NLGN1: variants seen among roughly 807,000 people sequenced by gnomAD.
NLGN1 encodes neuroligin-1.
A neutral mutation model predicts 65.5 loss-of-function variants in NLGN1; 12 were observed. The observed-to-expected ratio is 0.18, with a 90% CI of 0.12 to 0.30. The LOEUF (loss-of-function observed/expected upper bound fraction) is 0.30. NLGN1 is among the 10% of genes least tolerant of loss of function. The pLI is 1.00. For missense variants in NLGN1, 750 were observed against 1,007.1 expected (o/e 0.74, Z 3.46); for synonymous variants, 350 against 359.5 (o/e 0.97, Z 0.30).
chr3:174,084,912 CTGAA>C (rs1323835084), intron 4 of NLGN1, among the ~76,000 whole-genome samples: 1 of 151,976 alleles, frequency 6.6e-6, no homozygotes, highest in Non-Finnish European at 1.5e-5. Context: ...AATAGGAAGA[CTGAA>C]CCATAATTCT....
intron 2 of NLGN1, among the ~76,000 whole-genome samples, chr3:173,597,214 T>C (rs138403730): frequency 3.9e-5 from 6 of 152,326 alleles, no homozygotes; most frequent in Non-Finnish European, 8.8e-5. Flanking sequence ...GTGCAGGATA[T>C]GTTCTTTGGA....
chr3:174,159,705 G>A (rs1455002994), intron 4 of NLGN1, among the ~76,000 whole-genome samples: 3 of 151,714 alleles, frequency 2.0e-5, no homozygotes, highest in Non-Finnish European at 4.4e-5. Context: ...CAAGTTAGGC[G>A]GCTGGTTGGA....
At chr3:173,695,792 T>A (rs750190674) in intron 3 of NLGN1, among the ~76,000 whole-genome samples, 3 of 152,164 alleles carry the variant, frequency 2.0e-5, no homozygotes, top group Non-Finnish European at 2.9e-5. Context: ...GTGTGAAGAA[T>A]AATACTCATA....
At chr3:174,194,928 C>G (rs1319054146) in intron 4 of NLGN1, among the ~76,000 whole-genome samples, 1 of 141,894 alleles carries the variant, frequency 7.0e-6, no homozygotes, top group African/African-American at 2.6e-5. Flanking sequence ...ATGGCACGAT[C>G]TTGGCTCACC....
intron 3 of NLGN1, among the ~76,000 whole-genome samples, chr3:173,729,652 A>G (rs1487637372): frequency 1.5e-4 from 23 of 152,216 alleles, no homozygotes; most frequent in Non-Finnish European, 2.9e-5. Context: ...TTGTAAAAGA[A>G]TAACATTGCT....
chr3:173,428,259 A>G (rs1716519242), intron 1 of NLGN1, among the ~76,000 whole-genome samples: 1 of 151,650 alleles, frequency 6.6e-6, no homozygotes. Context: ...CAGTTGCATA[A>G]TTTAGTTTAT....
intron 3 of NLGN1, among the ~76,000 whole-genome samples, chr3:173,700,965 A>G (rs1462832069): frequency 6.6e-6 from 1 of 152,090 alleles, no homozygotes; most frequent in African/African-American, 2.4e-5. Flanking sequence ...CTCTACTAAA[A>G]ATACAAAAAA....
intron 3 of NLGN1, among the ~76,000 whole-genome samples, chr3:173,805,590 G>C (rs1707051384): frequency 6.6e-6 from 1 of 152,072 alleles, no homozygotes. Flanking sequence ...TGTTTTCCAG[G>C]TGAACAGAAT....
At chr3:174,212,213 G>A (rs1318140347) in intron 4 of NLGN1, among the ~76,000 whole-genome samples, 1 of 152,196 alleles carries the variant, frequency 6.6e-6, no homozygotes, top group Non-Finnish European at 1.5e-5. Context: ...CTGCTGGCCC[G>A]GGTGCTAAGC....
At chr3:173,921,953 T>C (rs1451027851) in intron 4 of NLGN1, among the ~76,000 whole-genome samples, 1 of 152,092 alleles carries the variant, frequency 6.6e-6, no homozygotes, top group African/African-American at 2.4e-5. Flanking sequence ...GAATACATTA[T>C]ACCAACAGCT....
chr3:173,854,528 T>TATCTCTTCTCTTG (rs1727580631), intron 4 of NLGN1, among the ~76,000 whole-genome samples: 1 of 152,118 alleles, frequency 6.6e-6, no homozygotes, highest in Non-Finnish European at 1.5e-5. Context: ...ACTTCTCTTC[T>TATCTCTTCTCTTG]TATCTACAAG....
At chr3:173,598,252 A>G (rs1270377435) in intron 2 of NLGN1, among the ~76,000 whole-genome samples, 4 of 152,204 alleles carry the variant, frequency 2.6e-5, no homozygotes, top group Admixed American at 2.0e-4. Context: ...TGGTTAACCA[A>G]CTGCACTACA....
intron 4 of NLGN1, among the ~76,000 whole-genome samples, chr3:174,024,842 T>C (rs1452128419): frequency 6.6e-6 from 1 of 152,234 alleles, no homozygotes; most frequent in Admixed American, 6.5e-5. Flanking sequence ...CTAATAGTGA[T>C]GCCATTTGGG....
chr3:174,238,196 CCTTGCTAATTTGTA>C (rs1742104860), intron 4 of NLGN1, among the ~76,000 whole-genome samples: 1 of 151,920 alleles, frequency 6.6e-6, no homozygotes, highest in Admixed American at 6.6e-5. Flanking sequence ...TTCTTTTTTT[CCTTGCTAATTTGTA>C]CTTGCTAATT....
At chr3:173,415,890 A>AATATATAT (rs149873787) in intron 1 of NLGN1, among the ~76,000 whole-genome samples, 4,344 of 134,002 alleles carry the variant, frequency 0.032, 98 homozygotes, top group Middle Eastern at 0.068. Flanking sequence ...GCAAGGAGTA[A>AATATATAT]ATATATATAT....
At chr3:173,719,356 T>A (rs1770425613) in intron 3 of NLGN1, among the ~76,000 whole-genome samples, 1 of 152,200 alleles carries the variant, frequency 6.6e-6, no homozygotes, top group South Asian at 2.1e-4. Flanking sequence ...GTACCTTCTT[T>A]CCTGCCCTAA....
At chr3:173,788,127 A>G (rs1251065837) in intron 3 of NLGN1, among the ~76,000 whole-genome samples, 1 of 151,340 alleles carries the variant, frequency 6.6e-6, no homozygotes, top group Non-Finnish European at 1.5e-5. Context: ...TACAATGGAA[A>G]TAAAGAGTTC....
chr3:173,605,479 C>T (rs1361174157), intron 3 of NLGN1, 55 bp from the exon 3 acceptor site: 43 of 946,356 alleles, frequency 4.5e-5, no homozygotes, highest in Middle Eastern at 2.5e-4. Context: ...TTGCATGTTC[C>T]GGCGGTCTAT....
chr3:173,671,556 A>G (rs1243227613), intron 3 of NLGN1, among the ~76,000 whole-genome samples: 1 of 152,184 alleles, frequency 6.6e-6, no homozygotes, highest in Non-Finnish European at 1.5e-5. Flanking sequence ...ATAACTTCAC[A>G]ATTGACTATA....
Sources: gnomAD v4.1 joint callset for allele counts (sites outside exome capture counted in the v4.1 genomes callset) on GRCh38, gnomAD v4.1.1 for gene constraint, MANE v1.5 for transcripts, NCBI Gene and HGNC (gene_info 2026-07-23, HGNC 2026-07-21) for gene names.